Variants in GRID1 observed in about 807,000 individuals in gnomAD.
GRID1 encodes glutamate ionotropic receptor delta type subunit 1.
Under a neutral mutation model 98.0 loss-of-function variants are expected in GRID1, and 28 were observed. The ratio of observed to expected loss-of-function variants is 0.29; its 90% CI spans 0.21 to 0.39. The LOEUF (loss-of-function observed/expected upper bound fraction) is 0.39. Ranked by LOEUF, GRID1 falls within the 10% of genes least tolerant of loss-of-function variation. GRID1 has a pLI of 1.00. For synonymous variants in GRID1, 553 were observed against 538.5 expected, an observed-to-expected ratio of 1.03 and a Z score of -0.37; for missense variants, 1,111 against 1,340.5, an observed-to-expected ratio of 0.83 and a Z score of 2.67.
intron 4 of GRID1, among the ~76,000 whole-genome samples, chr10:86,003,690 A>G (rs1313044119): frequency 1.3e-5 from 2 of 152,254 alleles, no homozygotes; most frequent in Non-Finnish European, 2.9e-5. Flanking sequence ...TTAGAAGCCA[A>G]TGGCCAATGG....
chr10:85,724,767 T>A, intron 10 of GRID1, 91 bp from the exon 11 acceptor site: 1 of 1,016,224 alleles, frequency 9.8e-7, no homozygotes, highest in Non-Finnish European at 1.5e-6. Context: ...GTCCTTTGAG[T>A]TGCTCTGTTC....
At chr10:86,197,496 T>C (rs1451650487) in intron 3 of GRID1, among the ~76,000 whole-genome samples, 1 of 152,058 alleles carries the variant, frequency 6.6e-6, no homozygotes, top group African/African-American at 2.4e-5. Flanking sequence ...CCCTCTCATG[T>C]GTGGAGCAAA....
chr10:86,079,279 A>G (rs1843930571), intron 4 of GRID1, among the ~76,000 whole-genome samples: 1 of 152,134 alleles, frequency 6.6e-6, no homozygotes, highest in South Asian at 2.1e-4. Flanking sequence ...GGGGCTGATT[A>G]CCCTTTGAAC....
At chr10:85,775,763 T>C (rs1271637459) in intron 8 of GRID1, among the ~76,000 whole-genome samples, 11 of 152,206 alleles carry the variant, frequency 7.2e-5, no homozygotes, top group South Asian at 6.2e-4. Flanking sequence ...GAGAAATATC[T>C]ATTCCAATTT....
intron 2 of GRID1, among the ~76,000 whole-genome samples, chr10:86,344,672 C>T (rs1365155706): frequency 6.6e-6 from 1 of 152,232 alleles, no homozygotes; most frequent in Non-Finnish European, 1.5e-5. Context: ...TGTCTTGACA[C>T]CTGAATTTTA....
chr10:85,706,594 A>C (rs1841521523), intron 12 of GRID1, among the ~76,000 whole-genome samples: 1 of 152,192 alleles, frequency 6.6e-6, no homozygotes, highest in Non-Finnish European at 1.5e-5. Context: ...CTTTCTTCAC[A>C]GAATTGGAAA....
chr10:85,843,870 T>C (rs989777898), intron 8 of GRID1, among the ~76,000 whole-genome samples: 3 of 141,674 alleles, frequency 2.1e-5, no homozygotes, highest in African/African-American at 8.0e-5. Context: ...GAAAACAGTT[T>C]GGCTGTAATT....
chr10:85,798,654 T>C (rs1842547030), intron 8 of GRID1, among the ~76,000 whole-genome samples: 1 of 152,208 alleles, frequency 6.6e-6, no homozygotes, highest in Non-Finnish European at 1.5e-5. Flanking sequence ...TCTCTTTGCA[T>C]ATCTTCTGAG....
chr10:85,888,786 C>G (rs539138607), intron 5 of GRID1, among the ~76,000 whole-genome samples: 28 of 152,256 alleles, frequency 1.8e-4, no homozygotes, highest in African/African-American at 6.3e-4. Context: ...CTTCCTCCCT[C>G]TCTCTTTTTC....
intron 5 of GRID1, among the ~76,000 whole-genome samples, chr10:85,889,661 T>A (rs1187415477): frequency 1.3e-5 from 2 of 152,188 alleles, no homozygotes. Flanking sequence ...TCAGGTACTT[T>A]GGAGATGTTG....
intron 4 of GRID1, among the ~76,000 whole-genome samples, chr10:86,045,379 A>G (rs1476796089): frequency 1.3e-5 from 2 of 152,236 alleles, no homozygotes; most frequent in African/African-American, 4.8e-5. Context: ...AGTACTGTAG[A>G]GCAAAATGGA....
At chr10:86,315,196 A>T (rs1847881813) in intron 2 of GRID1, among the ~76,000 whole-genome samples, 2 of 152,194 alleles carry the variant, frequency 1.3e-5, no homozygotes, top group Non-Finnish European at 2.9e-5. Flanking sequence ...ACATGATGAA[A>T]GCACTTAGCA....
chr10:86,211,519 A>G (rs1846108074), intron 2 of GRID1, among the ~76,000 whole-genome samples: 1 of 152,200 alleles, frequency 6.6e-6, no homozygotes, highest in African/African-American at 2.4e-5. Flanking sequence ...AGCATTCGCA[A>G]TACAACTGCA....
chr10:86,320,153 T>C lies in GRID1; in HGVS notation c.235+43788A>G, dbSNP rs561783684. Reference sequence around the variant, plus strand: ...AGTTTATGAGCACAAACTTTCAAACTAGCCCTGCTGGGAACGAAATCCATT... The same window carrying C: ...AGTTTATGAGCACAAACTTTCAAACCAGCCCTGCTGGGAACGAAATCCATT... On this transcript the variant is annotated intron_variant, in intron 2 of 15. Coordinates refer to ENST00000327946, the MANE Select transcript of GRID1 (RefSeq NM_017551.3). Among the ~76,000 whole-genome samples, 31 of 152,356 alleles carry C rather than the reference T, an allele frequency of 2.0e-4. 1 individual carries two copies. In the South Asian group the frequency reaches 5.4e-3, roughly 26 times the overall value.
chr10:86,247,001 G>A (rs1429930701), intron 2 of GRID1, among the ~76,000 whole-genome samples: 2 of 152,242 alleles, frequency 1.3e-5, no homozygotes, highest in East Asian at 3.8e-4. Flanking sequence ...AATTAGAAAT[G>A]AGCCTCATCT....
intron 8 of GRID1, among the ~76,000 whole-genome samples, chr10:85,820,141 C>CAGAAAGAA (rs71016112): frequency 0.021 from 2,406 of 114,832 alleles, 213 homozygotes; most frequent in African/African-American, 0.069. Flanking sequence ...AAGAAAGAAA[C>CAGAAAGAA]AGAAAGAAAG....
intron 4 of GRID1, among the ~76,000 whole-genome samples, chr10:86,096,616 A>G (rs568846286): frequency 3.3e-5 from 5 of 152,358 alleles, no homozygotes; most frequent in African/African-American, 1.2e-4. Flanking sequence ...CAGCATTGCT[A>G]CTGACCAGGA....
chr10:85,634,287 T>A (rs370247641), intron 13 of GRID1, among the ~76,000 whole-genome samples: 1 of 129,290 alleles, frequency 7.7e-6, no homozygotes, highest in African/African-American at 3.1e-5. Context: ...TCTCTCTCTC[T>A]CTCTCACACA....
intron 4 of GRID1, among the ~76,000 whole-genome samples, chr10:85,934,441 CACACA>C (rs1270499714): frequency 4.0e-5 from 6 of 151,016 alleles, no homozygotes; most frequent in African/African-American, 1.5e-4. Context: ...CACACACACA[CACACA>C]CACACACACA....
Sources: gnomAD v4.1 joint callset for allele counts (sites outside exome capture counted in the v4.1 genomes callset) on GRCh38, gnomAD v4.1.1 for gene constraint, MANE v1.5 for transcripts, NCBI Gene and HGNC (gene_info 2026-07-23, HGNC 2026-07-21) for gene names.